The following GALNTL6 variants were observed in gnomAD, a reference collection of about 807,000 sequenced individuals.
GALNTL6 encodes the protein polypeptide N-acetylgalactosaminyltransferase-like 6.
GALNTL6 carries 46 observed loss-of-function variants against 73.7 expected under a neutral mutation model. The observed-to-expected ratio is 0.62, with a 90% CI of 0.49 to 0.80. The LOEUF is 0.80. Ranked by LOEUF, GALNTL6 falls within the 30% of genes least tolerant of loss-of-function variation. The probability of loss-of-function intolerance (pLI) is 0.00; values close to 1 mark genes in which losing one functional copy is unlikely to be tolerated. For synonymous variants in GALNTL6, 259 were observed against 263.7 expected (o/e 0.98, Z 0.17); for missense variants, 604 against 755.0 (o/e 0.80, Z 2.34).
intron 5 of GALNTL6, among the ~76,000 whole-genome samples, chr4:172,523,697 G>A (rs1156258667): frequency 1.3e-5 from 2 of 151,970 alleles, no homozygotes; most frequent in African/African-American, 4.8e-5. Context: ...TTTTCTCATT[G>A]ATTTTTAAAA....
chr4:172,059,446 A>C (rs1185073694), intron 2 of GALNTL6, among the ~76,000 whole-genome samples: 1 of 152,198 alleles, frequency 6.6e-6, no homozygotes, highest in African/African-American at 2.4e-5. Context: ...TCAAAATGAC[A>C]CAGAGAAATA....
At chr4:172,439,482 C>G (rs1731752202) in intron 5 of GALNTL6, among the ~76,000 whole-genome samples, 1 of 38,428 alleles carries the variant, frequency 2.6e-5, no homozygotes, top group African/African-American at 8.0e-5. Flanking sequence ...CTCTTCTTTG[C>G]TGGTTCTTCT....
chr4:171,970,813 C>G (rs1487486685), intron 2 of GALNTL6, among the ~76,000 whole-genome samples: 1 of 152,162 alleles, frequency 6.6e-6, no homozygotes, highest in African/African-American at 2.4e-5. Context: ...GCTTAATACA[C>G]AGCCTGAGCA....
At chr4:171,847,322 C>A (rs2110854404) in intron 2 of GALNTL6, among the ~76,000 whole-genome samples, 1 of 152,308 alleles carries the variant, frequency 6.6e-6, no homozygotes, top group East Asian at 1.9e-4. Context: ...ACAATATACA[C>A]ACCTTAATCA....
At chr4:172,264,656 GTGTA>G (rs1335191590) in intron 3 of GALNTL6, among the ~76,000 whole-genome samples, 4 of 144,314 alleles carry the variant, frequency 2.8e-5, no homozygotes, top group Middle Eastern at 3.8e-3. Context: ...ACGTATAAGT[GTGTA>G]TGTATGTATG....
chr4:172,206,781 TGTTTTGTTTTGTTTTG>T (rs1560969179), intron 2 of GALNTL6, among the ~76,000 whole-genome samples: 7,379 of 111,500 alleles, frequency 0.066, 1,885 homozygotes, highest in East Asian at 0.13. Context: ...ACGTGTTTTT[TGTTTTGTTTTGTTTTG>T]TTTTTCTGTT....
intron 5 of GALNTL6, among the ~76,000 whole-genome samples, chr4:172,609,967 A>G (rs1043663945): frequency 3.3e-5 from 5 of 151,466 alleles, no homozygotes; most frequent in African/African-American, 9.7e-5. Context: ...TCTAGATTTT[A>G]TGGTTTGTGT....
intron 7 of GALNTL6, among the ~76,000 whole-genome samples, chr4:172,840,710 C>T (rs1013583324): frequency 3.0e-4 from 46 of 152,160 alleles, no homozygotes; most frequent in African/African-American, 9.7e-4. Flanking sequence ...TTTGAAATGG[C>T]ACAAATGTAA....
intron 2 of GALNTL6, among the ~76,000 whole-genome samples, chr4:171,999,170 G>A (rs1579046286): frequency 6.6e-6 from 1 of 152,112 alleles, no homozygotes; most frequent in East Asian, 1.9e-4. Flanking sequence ...AAGAGAAAGA[G>A]GTATTGTGAT....
At chr4:172,219,199 G>GTATATATATATATATATATATATA (rs34783084) in intron 2 of GALNTL6, among the ~76,000 whole-genome samples, 1,966 of 115,526 alleles carry the variant, frequency 0.017, 58 homozygotes, top group Non-Finnish European at 0.019. Flanking sequence ...TTAAGCAAGT[G>GTATATATATATATATATATATATA]TATATATATA....
At chr4:171,836,049 A>C (rs1030711030) in intron 2 of GALNTL6, among the ~76,000 whole-genome samples, 2 of 147,490 alleles carry the variant, frequency 1.4e-5, no homozygotes, top group South Asian at 4.2e-4. Flanking sequence ...TCACTTAGCC[A>C]TACAGCATCA....
At chr4:172,106,608 CCTGGATGACTG>C (rs2110970868) in intron 2 of GALNTL6, among the ~76,000 whole-genome samples, 1 of 152,046 alleles carries the variant, frequency 6.6e-6, no homozygotes, top group South Asian at 2.1e-4. Flanking sequence ...TTATCTATTT[CCTGGATGACTG>C]CTGACCCTCC....
intron 4 of GALNTL6, among the ~76,000 whole-genome samples, chr4:172,346,961 AT>A (rs1741763018): frequency 8.9e-6 from 1 of 112,370 alleles, no homozygotes; most frequent in Non-Finnish European, 2.0e-5. Context: ...GAGCCTATTG[AT>A]TTTTTTCTTT....
chr4:172,942,969 C>CA (rs1561047355), intron 9 of GALNTL6, among the ~76,000 whole-genome samples: 1 of 152,080 alleles, frequency 6.6e-6, no homozygotes, highest in African/African-American at 2.4e-5. Context: ...TCCAGGGTTT[C>CA]AAAAAATCAA....
intron 4 of GALNTL6, among the ~76,000 whole-genome samples, chr4:172,346,852 C>T (rs964021205): frequency 6.6e-6 from 1 of 152,090 alleles, no homozygotes; most frequent in Admixed American, 6.6e-5. Flanking sequence ...TTATTGAAAA[C>T]ATTTCAAAAG....
intron 2 of GALNTL6, among the ~76,000 whole-genome samples, chr4:172,043,988 C>T (rs944242866): frequency 8.6e-5 from 13 of 151,916 alleles, no homozygotes; most frequent in African/African-American, 2.7e-4. Flanking sequence ...AGAATCACAA[C>T]CTCTGTATTA....
intron 10 of GALNTL6, among the ~76,000 whole-genome samples, chr4:173,007,836 A>C (rs1357028404): frequency 6.6e-6 from 1 of 151,952 alleles, no homozygotes; most frequent in African/African-American, 2.4e-5. Context: ...ACAAAAGGAC[A>C]TGTCTCTGCC....
At chr4:173,025,263 G>C (rs775819742) in intron 12 of GALNTL6, among the ~76,000 whole-genome samples, 3 of 152,140 alleles carry the variant, frequency 2.0e-5, no homozygotes, top group Non-Finnish European at 4.4e-5. Context: ...TACCACCAGG[G>C]GGACCCCTGT....
chr4:172,481,426 T>C (rs1056458614), intron 5 of GALNTL6, among the ~76,000 whole-genome samples: 8 of 142,606 alleles, frequency 5.6e-5, no homozygotes, highest in African/African-American at 1.0e-4. Context: ...GGACCAGGGT[T>C]GTCTCTGTGG....
Sources: gnomAD v4.1 joint callset for allele counts (sites outside exome capture counted in the v4.1 genomes callset) on GRCh38, gnomAD v4.1.1 for gene constraint, MANE v1.5 for transcripts, NCBI Gene and HGNC (gene_info 2026-07-23, HGNC 2026-07-21) for gene names.